Variants in AOAH observed in about 807,000 individuals in gnomAD.
AOAH encodes the protein acyloxyacyl hydrolase (neutrophil).
AOAH carries 64 observed loss-of-function variants against 92.2 expected under a neutral mutation model. That is an observed-to-expected ratio of 0.69 (90% CI 0.57 to 0.86). The LOEUF is 0.86. Among genes scored for constraint, AOAH ranks in the 40% least tolerant of loss-of-function variants. The pLI, the probability that AOAH is intolerant of heterozygous loss-of-function variation, is 0.00. For synonymous variants in AOAH, 263 were observed against 254.5 expected (o/e 1.03, Z -0.32); for missense variants, 656 against 694.6 (o/e 0.94, Z 0.62).
chr7:36,624,520 T>C (rs534049347), intron 6 of AOAH, among the ~76,000 whole-genome samples: 1 of 152,234 alleles, frequency 6.6e-6, no homozygotes, highest in Non-Finnish European at 1.5e-5. Flanking sequence ...TTAGCTTCTA[T>C]GGCTCTACAG....
chr7:36,683,828 A>T (rs1431472203), intron 2 of AOAH, among the ~76,000 whole-genome samples: 2 of 152,154 alleles, frequency 1.3e-5, no homozygotes, highest in African/African-American at 4.8e-5. Context: ...AGGCCTAGAA[A>T]GAATGGGCAA....
chr7:36,558,150 C>T (rs1198970979), intron 13 of AOAH, among the ~76,000 whole-genome samples: 1 of 152,112 alleles, frequency 6.6e-6, no homozygotes, highest in Non-Finnish European at 1.5e-5. Flanking sequence ...TGGTGATGTA[C>T]AGATGGGTTT....
intron 4 of AOAH, among the ~76,000 whole-genome samples, chr7:36,643,557 G>A (rs1173742806): frequency 6.6e-6 from 1 of 152,166 alleles, no homozygotes; most frequent in Non-Finnish European, 1.5e-5. Context: ...TAAGAAAGGA[G>A]AAAGAAGTAT....
Position 36,656,287 on chromosome 7 carries a change from G to A in AOAH, c.390+2879C>T, listed in dbSNP as rs141463603. ...CCAGACACAAAGGAGCATATACCGCGCGAGGCCTTTGATACGACATTCAAG... is the reference window on the plus strand; with the variant it reads ...CCAGACACAAAGGAGCATATACCGCACGAGGCCTTTGATACGACATTCAAG... On this transcript the variant is annotated intron_variant, in intron 4 of 20. Coordinates refer to ENST00000617537, the MANE Select transcript of AOAH (RefSeq NM_001637.4). Among the ~76,000 whole-genome samples, 16 of 152,268 alleles carry A rather than the reference G, an allele frequency of 1.1e-4. No homozygotes were observed. The East Asian group carries it at 1.9e-3, about 18-fold the overall frequency.
chr7:36,612,996 A>G (rs1223828199), intron 11 of AOAH, among the ~76,000 whole-genome samples: 1 of 152,098 alleles, frequency 6.6e-6, no homozygotes, highest in Admixed American at 6.6e-5. Context: ...GACATTGTAC[A>G]CATTTGAAAA....
chr7:36,617,842 G>C (rs562900694), intron 10 of AOAH, among the ~76,000 whole-genome samples: 2 of 152,334 alleles, frequency 1.3e-5, no homozygotes, highest in Non-Finnish European at 2.9e-5. Flanking sequence ...CAGTCTCTCT[G>C]AAGTCATTCA....
chr7:36,659,347 T>C, intron 3 of AOAH, 82 bp from the exon 4 acceptor site: 1 of 1,166,094 alleles, frequency 8.6e-7, no homozygotes, highest in African/African-American at 1.5e-5. Context: ...GAAAGGTAAA[T>C]CCCCAGAATG....
chr7:36,630,861 C>T (rs1401851403), intron 6 of AOAH, among the ~76,000 whole-genome samples: 1 of 152,136 alleles, frequency 6.6e-6, no homozygotes, highest in Non-Finnish European at 1.5e-5. Flanking sequence ...ATCTTGGGTC[C>T]TCAGTGGCCC....
intron 13 of AOAH, among the ~76,000 whole-genome samples, chr7:36,563,142 C>G (rs939205409): frequency 1.4e-5 from 1 of 73,740 alleles, no homozygotes; most frequent in Non-Finnish European, 2.3e-5. Flanking sequence ...AATGAAACTC[C>G]GTCTCAAAAA....
chr7:36,549,561 T>C (rs1429784076), intron 13 of AOAH, 86 bp from the exon 14 acceptor site: 22 of 916,104 alleles, frequency 2.4e-5, no homozygotes, highest in Non-Finnish European at 3.5e-5. Flanking sequence ...ACTGAACTCA[T>C]GAAAGCGGCA....
chr7:36,646,269 T>C (rs1354064245), intron 4 of AOAH, among the ~76,000 whole-genome samples: 1 of 152,236 alleles, frequency 6.6e-6, no homozygotes, highest in Non-Finnish European at 1.5e-5. Flanking sequence ...GCTGAGTGAA[T>C]TTTTCTAGGC....
At chr7:36,555,963 T>A (rs1786674313) in intron 13 of AOAH, among the ~76,000 whole-genome samples, 1 of 152,118 alleles carries the variant, frequency 6.6e-6, no homozygotes, top group Non-Finnish European at 1.5e-5. Flanking sequence ...TTTTGAAGGG[T>A]TTTTTGTGTC....
intron 20 of AOAH, among the ~76,000 whole-genome samples, chr7:36,518,241 G>A (rs757766779): frequency 2.6e-5 from 4 of 151,754 alleles, no homozygotes; most frequent in Non-Finnish European, 4.4e-5. Flanking sequence ...ATGAAGTCTC[G>A]CTCTGTTGCC....
intron 15 of AOAH, among the ~76,000 whole-genome samples, chr7:36,544,201 T>C (rs1785633705): frequency 6.6e-6 from 1 of 152,116 alleles, no homozygotes. Context: ...TGCCTCAGCC[T>C]CCCAAAATGC....
intron 14 of AOAH, 21 bp downstream of exon 14, chr7:36,549,418 A>C: frequency 6.3e-7 from 1 of 1,576,024 alleles, no homozygotes; most frequent in South Asian, 1.1e-5. Flanking sequence ...AATTAAAAAC[A>C]ACTTCTTATC....
At chr7:36,678,600 T>TGTGTGCGTGCGC (rs549317369) in intron 2 of AOAH, among the ~76,000 whole-genome samples, 3 of 131,034 alleles carry the variant, frequency 2.3e-5, no homozygotes, top group Admixed American at 7.7e-5. Flanking sequence ...TGTGTGTGTG[T>TGTGTGCGTGCGC]GCGCGCGCGC....
chr7:36,515,936 A>C (rs56175309), intron 20 of AOAH, among the ~76,000 whole-genome samples: 37,565 of 136,894 alleles, frequency 0.27, 5,836 homozygotes, highest in Middle Eastern at 0.38. Flanking sequence ...CATCACACAC[A>C]CCCCCACATC....
At chr7:36,618,458 C>G in intron 9 of AOAH, 113 bp from the exon 10 acceptor site, 3 of 925,946 alleles carry the variant, frequency 3.2e-6, no homozygotes, top group Non-Finnish European at 5.1e-6. Flanking sequence ...TAGATAAAAC[C>G]CTTTAAAGTT....
At chr7:36,670,955 TACCCAGGCCACTTCTCGGTA>T (rs1401031030) in intron 3 of AOAH, among the ~76,000 whole-genome samples, 12 of 152,056 alleles carry the variant, frequency 7.9e-5, no homozygotes, top group Admixed American at 7.9e-4. Flanking sequence ...GTGTCTGAAT[TACCCAGGCCACTTCTCGGTA>T]ACTCCCAGCA....
Sources: allele counts gnomAD v4.1 joint callset (sites outside exome capture counted in the v4.1 genomes callset), GRCh38; gene constraint gnomAD v4.1.1; transcripts MANE v1.5; gene names NCBI Gene and HGNC (gene_info 2026-07-23, HGNC 2026-07-21).